The following MACF1 variants were observed in gnomAD, a reference collection of about 807,000 sequenced individuals.
The protein encoded by MACF1 is microtubule-actin cross-linking factor 1.
In MACF1, 193 loss-of-function variants were observed where a neutral mutation model predicts 854.8. The observed-to-expected ratio is 0.23, with a 90% confidence interval of 0.20 to 0.25. The LOEUF is 0.25. Among genes scored for constraint, MACF1 ranks in the 10% least tolerant of loss-of-function variants. The pLI is 1.00. For synonymous variants in MACF1, 3,185 were observed against 3,226.7 expected (o/e 0.99, Z 0.44); for missense variants, 7,722 against 8,929.1 (o/e 0.86, Z 5.45).
At chr1:39,235,296 G>A (rs1270989289) in intron 2 of MACF1, among the ~76,000 whole-genome samples, 1 of 152,250 alleles carries the variant, frequency 6.6e-6, no homozygotes, top group Non-Finnish European at 1.5e-5. Context: ...TTGCGGTTAG[G>A]GGCTGGAGAC....
chr1:39,295,019 T>C (rs1645871256), intron 18 of MACF1, 27 bp from the exon 19 acceptor site: 31 of 1,533,320 alleles, frequency 2.0e-5, no homozygotes, highest in Non-Finnish European at 2.8e-5. Context: ...AGAGTGCTTA[T>C]GCTGTAAAAT....
At chr1:39,328,194 C>G (rs1281723244) in intron 36 of MACF1, among the ~76,000 whole-genome samples, 1 of 152,182 alleles carries the variant, frequency 6.6e-6, no homozygotes. Context: ...GTAAAAACCA[C>G]AAGACAAAAC....
At chr1:39,443,111 CTT>C (rs1213857952) in intron 78 of MACF1, among the ~76,000 whole-genome samples, 200 bp downstream of exon 78, 3 of 152,156 alleles carry the variant, frequency 2.0e-5, no homozygotes, top group Non-Finnish European at 2.9e-5. Context: ...AGCTCAGTCT[CTT>C]TATTCACATT....
Position 39,453,833 on chromosome 1 carries a change from C to G in MACF1, c.20869C>G (p.Arg6957Gly). Reference sequence around the variant, plus strand: ...CATCAAACACTGGATCACCATCATCCGAGCTCGCTTCGAGGAGGTGAGTCC... The same window carrying G: ...CATCAAACACTGGATCACCATCATCGGAGCTCGCTTCGAGGAGGTGAGTCC... ...TTIKHWITII[R>G]ARFEEVLTWA... Residue 6957 changes from arginine (R) to glycine (G), a missense_variant, in exon 88 of 101, where the codon CGA becomes GGA. By Grantham distance (125) the Arg-to-Gly change is moderately radical. Coordinates refer to ENST00000564288, the MANE Select transcript of MACF1 (RefSeq NM_001394062.1). 1.2e-6 allele frequency: 2 copies of G among 1,614,186 alleles called. No homozygotes were observed. The highest frequency in any genetic ancestry group is 1.7e-6 in the Non-Finnish European group (2 of 1,180,030).
At chr1:39,458,988 T>C (rs1644497107) in intron 90 of MACF1, 98 bp from the exon 91 acceptor site, 1 of 1,073,588 alleles carries the variant, frequency 9.3e-7, no homozygotes, top group African/African-American at 1.6e-5. Flanking sequence ...AGTTATTGAC[T>C]GGATATTATT....
chr1:39,204,895 A>G lies in MACF1; in HGVS notation c.-128A>G, dbSNP rs1453658323. 2.3e-5 allele frequency: 14 copies of G among 618,964 alleles called. 1 individual carries two copies. In the East Asian group the frequency reaches 3.3e-4, roughly 14 times the overall value. 38.3% of individuals were successfully genotyped at this position (618,964 alleles called of 1,614,324 possible). ...AGGAGAAGCTGCCAGGAAGTTTCTGACAACACTAAGCTCCGGCCTCTGCCT... is the reference window on the plus strand; with the variant it reads ...AGGAGAAGCTGCCAGGAAGTTTCTGGCAACACTAAGCTCCGGCCTCTGCCT... On this transcript the variant is annotated 5_prime_UTR_variant, in exon 1 of 101. The change abolishes the stop of an existing upstream ORF in the 5' untranslated region. Coordinates refer to ENST00000564288, the MANE Select transcript of MACF1 (RefSeq NM_001394062.1).
intron 79 of MACF1, 69 bp from the exon 80 acceptor site, chr1:39,444,593 A>T (rs991355062): frequency 7.2e-7 from 1 of 1,397,300 alleles, no homozygotes; most frequent in African/African-American, 1.4e-5. Flanking sequence ...AGACTCTGCT[A>T]CAGAATCTAT....
chr1:39,252,446 A>G (rs951331282), intron 4 of MACF1, among the ~76,000 whole-genome samples: 6 of 152,186 alleles, frequency 3.9e-5, no homozygotes, highest in African/African-American at 9.7e-5. Flanking sequence ...GCTTTGCTCA[A>G]TAATATCTAG....
chr1:39,475,911 G>A (rs943024785), intron 97 of MACF1, among the ~76,000 whole-genome samples: 1 of 152,188 alleles, frequency 6.6e-6, no homozygotes, highest in African/African-American at 2.4e-5. Flanking sequence ...AGACATCCAT[G>A]TTTTAGAAGT....
intron 2 of MACF1, among the ~76,000 whole-genome samples, chr1:39,087,864 C>G (rs1641711811): frequency 6.6e-6 from 1 of 151,896 alleles, no homozygotes; most frequent in Admixed American, 6.6e-5. Context: ...CCTTCACCTC[C>G]CGGGTTCAAG....
intron 2 of MACF1, among the ~76,000 whole-genome samples, chr1:39,239,164 C>G (rs1032691997): frequency 3.9e-5 from 6 of 152,114 alleles, no homozygotes; most frequent in Admixed American, 1.3e-4. Flanking sequence ...GCCTATAATC[C>G]CAGCTATTTG....
intron 22 of MACF1, among the ~76,000 whole-genome samples, chr1:39,301,724 G>A (rs891753714): frequency 5.9e-5 from 9 of 151,600 alleles, no homozygotes; most frequent in African/African-American, 9.7e-5. Flanking sequence ...TGCGCCCAGC[G>A]TTTGTTTGTT....
chr1:39,453,893 C>T (rs375322865), intron 88 of MACF1, 43 bp downstream of exon 88: 22 of 1,610,086 alleles, frequency 1.4e-5, no homozygotes, highest in East Asian at 2.2e-5. Context: ...GCCCAGTAAA[C>T]TATCACTATA....
At chr1:39,134,058 T>TTTTTA in intron 2 of MACF1, among the ~76,000 whole-genome samples, 1 of 125,086 alleles carries the variant, frequency 8.0e-6, no homozygotes, top group Non-Finnish European at 1.6e-5. Flanking sequence ...TTTTTTTTTT[T>TTTTTA]GAGATGGGGT....
intron 69 of MACF1, 41 bp from the exon 70 acceptor site, chr1:39,435,517 T>A: frequency 2.0e-6 from 3 of 1,480,434 alleles, no homozygotes; most frequent in Non-Finnish European, 2.8e-6. Context: ...CATAAACTGG[T>A]ATAAAAGTAC....
chr1:39,293,972 G>A (rs1205306609), intron 18 of MACF1, among the ~76,000 whole-genome samples: 1 of 151,992 alleles, frequency 6.6e-6, no homozygotes, highest in South Asian at 2.1e-4. Flanking sequence ...ATAACCTTGG[G>A]AAGTCATTTA....
intron 68 of MACF1, 49 bp from the exon 69 acceptor site, chr1:39,434,365 T>A: frequency 8.7e-7 from 1 of 1,149,656 alleles, no homozygotes; most frequent in Non-Finnish European, 1.3e-6. Context: ...TTCTTAAGAG[T>A]TTATAATAGT....
At chr1:39,163,454 C>T (rs1643846379) in intron 2 of MACF1, among the ~76,000 whole-genome samples, 1 of 151,840 alleles carries the variant, frequency 6.6e-6, no homozygotes, top group Non-Finnish European at 1.5e-5. Flanking sequence ...AAATTAAACC[C>T]AATCTCAAAG....
At chr1:39,231,901 C>T (rs1229088026) in intron 2 of MACF1, among the ~76,000 whole-genome samples, 1 of 151,676 alleles carries the variant, frequency 6.6e-6, no homozygotes, top group East Asian at 1.9e-4. Context: ...GATTTTCTCT[C>T]TTTCTCTTAA....
Sources: allele counts gnomAD v4.1 joint callset (sites outside exome capture counted in the v4.1 genomes callset), GRCh38; gene constraint gnomAD v4.1.1; transcripts MANE v1.5; gene names NCBI Gene and HGNC (gene_info 2026-07-23, HGNC 2026-07-21).